The following ANXA4 variants were observed in gnomAD, a reference collection of about 807,000 sequenced individuals.
ANXA4 encodes the protein 35-beta calcimedin.
Under a neutral mutation model 49.8 loss-of-function variants are expected in ANXA4, and 39 were observed. That is an observed-to-expected ratio of 0.78 (90% confidence interval 0.61 to 1.02). The LOEUF is 1.02. ANXA4 is among the 50% of genes least tolerant of loss of function. ANXA4 has a pLI of 0.00. For missense variants in ANXA4, 360 were observed against 410.1 expected, an observed-to-expected ratio of 0.88 and a Z score of 1.05; for synonymous variants, 134 against 152.5, an observed-to-expected ratio of 0.88 and a Z score of 0.89.
chr2:69,710,354 A>C (rs1678638785), intron 2 of ANXA4, among the ~76,000 whole-genome samples: 1 of 152,200 alleles, frequency 6.6e-6, no homozygotes, highest in Non-Finnish European at 1.5e-5. Context: ...AATTATATTA[A>C]AAGTAGATTT....
intron 11 of ANXA4, among the ~76,000 whole-genome samples, 196 bp from the exon 12 acceptor site, chr2:69,820,503 T>C (rs1674186937): frequency 6.6e-6 from 1 of 152,030 alleles, no homozygotes; most frequent in Non-Finnish European, 1.5e-5. Context: ...GGTCAGAACA[T>C]AGAGCATTGG....
At chr2:69,664,900 C>G (rs571534616) in intron 2 of ANXA4, among the ~76,000 whole-genome samples, 14 of 152,144 alleles carry the variant, frequency 9.2e-5, no homozygotes, top group African/African-American at 3.1e-4. Flanking sequence ...GTCAGGAGTT[C>G]GAGACCAGCC....
intron 2 of ANXA4, among the ~76,000 whole-genome samples, chr2:69,688,478 C>T (rs78928376): frequency 0.023 from 3,532 of 152,262 alleles, 135 homozygotes; most frequent in African/African-American, 0.079. Context: ...CAGTTCTAAA[C>T]GGTGATCTTC....
At chr2:69,679,461 C>T (rs959197753) in intron 2 of ANXA4, among the ~76,000 whole-genome samples, 1 of 152,200 alleles carries the variant, frequency 6.6e-6, no homozygotes, top group African/African-American at 2.4e-5. Flanking sequence ...GTTGTCTCTT[C>T]ACTTCGTTGA....
intron 9 of ANXA4, chr2:69,817,718 C>G (rs952338828): frequency 6.6e-6 from 1 of 152,156 alleles, no homozygotes; most frequent in Non-Finnish European, 1.5e-5. Context: ...AGTTCGTTTT[C>G]TATTAAAAAT....
intron 2 of ANXA4, among the ~76,000 whole-genome samples, chr2:69,692,272 T>C (rs1678002569): frequency 1.3e-5 from 2 of 152,374 alleles, no homozygotes; most frequent in South Asian, 2.1e-4. Context: ...TTATAAAATA[T>C]GAATTTGGGC....
intron 1 of ANXA4, among the ~76,000 whole-genome samples, chr2:69,767,483 C>T (rs569261908): frequency 1.3e-5 from 2 of 152,176 alleles, no homozygotes; most frequent in African/African-American, 2.4e-5. Context: ...ACAGAATGTG[C>T]TTGGGTGGAA....
intron 2 of ANXA4, among the ~76,000 whole-genome samples, chr2:69,690,131 A>G (rs898187096): frequency 1.3e-5 from 2 of 152,208 alleles, no homozygotes; most frequent in Non-Finnish European, 2.9e-5. Flanking sequence ...TGTTAAACAC[A>G]TTTAATCAAA....
At chr2:69,775,420 A>G (rs1671924516) in intron 1 of ANXA4, among the ~76,000 whole-genome samples, 1 of 152,220 alleles carries the variant, frequency 6.6e-6, no homozygotes, top group Non-Finnish European at 1.5e-5. Context: ...CTTTACTAAC[A>G]GATCTCAGCA....
intron 1 of ANXA4, among the ~76,000 whole-genome samples, chr2:69,748,103 C>T (rs1354652599): frequency 1.3e-5 from 2 of 151,984 alleles, no homozygotes; most frequent in African/African-American, 2.4e-5. Flanking sequence ...AAGCCAGGCG[C>T]GGTGGCTCAT....
chr2:69,769,838 T>C (rs1367030358), intron 1 of ANXA4, among the ~76,000 whole-genome samples: 1 of 152,046 alleles, frequency 6.6e-6, no homozygotes, highest in Non-Finnish European at 1.5e-5. Flanking sequence ...AATTTTTGTA[T>C]TTTTAGTAGA....
intron 1 of ANXA4, among the ~76,000 whole-genome samples, chr2:69,772,762 T>C (rs1418688389): frequency 1.3e-5 from 2 of 152,216 alleles, no homozygotes; most frequent in African/African-American, 2.4e-5. Flanking sequence ...CTCACACCTG[T>C]AATCCCAGCA....
chr2:69,718,764 TACACACACATTCAC>T lies in ANXA4; in HGVS notation n.767-2004_767-1991del, dbSNP rs1185022652. 5.2e-3 allele frequency among the ~76,000 whole-genome samples: 761 copies of T among 146,440 alleles called. 9 individuals carry two copies. The highest frequency in any genetic ancestry group is 0.019 in the African/African-American group (699 of 36,326). On this transcript the variant is annotated intron_variant and non_coding_transcript_variant, in intron 2 of 3. Transcript: ENST00000418066. ...ACACACATACATGCATACACACACA[TACACACACATTCAC>T]ACACATGCATACACATACGTGCATA...
chr2:69,718,915 CT>C (rs1669738632), intron 2 of ANXA4, among the ~76,000 whole-genome samples: 1 of 152,076 alleles, frequency 6.6e-6, no homozygotes, highest in Admixed American at 6.6e-5. Context: ...ATGGCCTCTG[CT>C]TGTCCTTCCA....
upstream of ANXA4, among the ~76,000 whole-genome samples, chr2:69,738,345 A>G (rs1670296645): frequency 6.6e-6 from 1 of 152,160 alleles, no homozygotes; most frequent in East Asian, 1.9e-4. Context: ...CAGCCTGGTG[A>G]GTTTGAACTT....
At chr2:69,796,984 A>G (rs757033722) in intron 3 of ANXA4, among the ~76,000 whole-genome samples, 4 of 147,576 alleles carry the variant, frequency 2.7e-5, no homozygotes, top group Non-Finnish European at 6.0e-5. Flanking sequence ...GTCTACAGAA[A>G]AGATCTAATT....
At chr2:69,775,357 A>G (rs1227658945) in intron 1 of ANXA4, among the ~76,000 whole-genome samples, 1 of 152,206 alleles carries the variant, frequency 6.6e-6, no homozygotes, top group African/African-American at 2.4e-5. Context: ...TTTTCTTATT[A>G]GTTTGCATTT....
At chr2:69,789,992 G>T (rs1427513485) in intron 3 of ANXA4, among the ~76,000 whole-genome samples, 1 of 152,112 alleles carries the variant, frequency 6.6e-6, no homozygotes, top group East Asian at 1.9e-4. Context: ...TAAATGTGAA[G>T]TTTGGTGATT....
intron 2 of ANXA4, among the ~76,000 whole-genome samples, chr2:69,697,712 A>T (rs538551829): frequency 6.6e-6 from 1 of 152,294 alleles, no homozygotes; most frequent in African/African-American, 2.4e-5. Context: ...AATTGGCCTA[A>T]TGTCAATATT....
Sources: gnomAD v4.1 joint callset for allele counts (sites outside exome capture counted in the v4.1 genomes callset) on GRCh38, gnomAD v4.1.1 for gene constraint, MANE v1.5 for transcripts, NCBI Gene and HGNC (gene_info 2026-07-23, HGNC 2026-07-21) for gene names.